ADARB2: variants seen among roughly 807,000 people sequenced by gnomAD.
The protein encoded by ADARB2 is adenosine deaminase RNA specific B2 (inactive).
In ADARB2, 25 loss-of-function variants were observed where a neutral mutation model predicts 62.2. That is an observed-to-expected ratio of 0.40 (90% CI 0.29 to 0.56). ADARB2 has a LOEUF of 0.56. Among genes scored for constraint, ADARB2 ranks in the 20% least tolerant of loss-of-function variants. The pLI, the probability that ADARB2 is intolerant of heterozygous loss-of-function variation, is 0.43. For missense variants in ADARB2, 1,071 were observed against 1,077.4 expected, an observed-to-expected ratio of 0.99 and a Z score of 0.08; for synonymous variants, 572 against 500.8, an observed-to-expected ratio of 1.14 and a Z score of -1.90.
intron 1 of ADARB2, among the ~76,000 whole-genome samples, chr10:1,593,029 C>A (rs868353148): frequency 2.2e-4 from 21 of 96,500 alleles, no homozygotes; most frequent in Non-Finnish European, 3.0e-4. Flanking sequence ...CCAAGCCACC[C>A]TCCATAGGTC....
intron 6 of ADARB2, among the ~76,000 whole-genome samples, chr10:1,218,158 C>G (rs528578398): frequency 2.0e-5 from 3 of 152,214 alleles, no homozygotes; most frequent in Non-Finnish European, 4.4e-5. Context: ...TCAAGAGATT[C>G]TCCTGCCTCA....
intron 1 of ADARB2, among the ~76,000 whole-genome samples, chr10:1,568,636 C>T (rs903382187): frequency 3.9e-5 from 6 of 151,940 alleles, no homozygotes; most frequent in Non-Finnish European, 8.8e-5. Flanking sequence ...GGAAAGAAAG[C>T]TGGAGGTCTT....
intron 3 of ADARB2, among the ~76,000 whole-genome samples, chr10:1,280,403 G>T (rs1831359342): frequency 6.6e-6 from 1 of 152,220 alleles, no homozygotes; most frequent in Non-Finnish European, 1.5e-5. Context: ...CTAGAAACAT[G>T]TGGACATGCA....
rs982678679 is a variant in ADARB2, at chr10:1,737,075, T to G, written c.76A>C (p.Arg26=). Residue 26 remains arginine, a synonymous_variant, in exon 1 of 10, where the codon AGG becomes CGG. Transcript: ENST00000381312. ...SQLKCKSKRR[R]RRRSKRKDKV... ...CCTTTCCGCTTGGACCTCCGCCTCC[T>G]CCTCCTCTTGGACTTGCATTTGAGT... 12 of 1,611,792 alleles carry G rather than the reference T, an allele frequency of 7.4e-6. No homozygotes were observed. The highest frequency in any genetic ancestry group is 1.0e-5 in the Non-Finnish European group (12 of 1,179,902).
intron 1 of ADARB2, among the ~76,000 whole-genome samples, chr10:1,679,527 C>A (rs761893996): frequency 2.6e-5 from 4 of 152,080 alleles, no homozygotes; most frequent in Admixed American, 2.0e-4. Context: ...TCAAGGTGAT[C>A]GGGTGCCACT....
intron 3 of ADARB2, among the ~76,000 whole-genome samples, chr10:1,326,016 C>A (rs149593860): frequency 6.6e-6 from 1 of 152,134 alleles, no homozygotes; most frequent in Non-Finnish European, 1.5e-5. Context: ...GGAAACCATT[C>A]GAATCGAAGA....
intron 1 of ADARB2, among the ~76,000 whole-genome samples, chr10:1,416,426 C>G (rs776390076): frequency 1.3e-5 from 2 of 152,244 alleles, no homozygotes; most frequent in Admixed American, 6.5e-5. Flanking sequence ...GGTTCCTCCT[C>G]TAACCTACTC....
intron 1 of ADARB2, 87 bp from the exon 2 acceptor site, chr10:1,379,247 G>T: frequency 9.0e-7 from 1 of 1,109,742 alleles, no homozygotes; most frequent in Non-Finnish European, 1.4e-6. Context: ...ACTGAATGTT[G>T]GACAAGGGAG....
Position 1,398,324 on chromosome 10 carries a change from A to G in ADARB2, c.101-19164T>C, listed in dbSNP as rs1351176553. On this transcript the variant is annotated intron_variant, in intron 1 of 9. Transcript: ENST00000381312. The surrounding 1 kb of genome is among the most constrained non-coding windows in gnomAD (Gnocchi z 4.1). The stretch of plus-strand genomic sequence containing the variant: ...CTTCCTGCAATTGTGTCCAGGGCGC[A>G]GGAAGCTGCCCAGCACAGGCAGTGG... Among the ~76,000 whole-genome samples, 2 of 152,246 alleles carry G rather than the reference A, an allele frequency of 1.3e-5. No homozygotes were observed. Among genetic ancestry groups the G allele is most frequent in the Admixed American group, 6.5e-5 (1 of 15,292 alleles).
In ADARB2 at chr10:1,544,020, A is replaced by AAC. The variant is rs1554770165; in HGVS notation, c.101-164861_101-164860insGT. Among the ~76,000 whole-genome samples the AAC allele has an allele frequency of 5.8e-3, 405 of 70,262 alleles. 2 individuals carry two copies. Among genetic ancestry groups the AAC allele is most frequent in the East Asian group, 0.03 (88 of 2,980 alleles). The allele number at this position is 70,262 out of a possible 152,430, so 46.1% of individuals were successfully genotyped here. ...GACCAAAAAAAAAAAAAAACAAACA[A>AAC]AAAAAAAAACACACAAAATGGTGAC... On this transcript the variant is annotated intron_variant, in intron 1 of 9. Coordinates refer to ENST00000381312, the MANE Select transcript of ADARB2 (RefSeq NM_018702.4).
At chr10:1,322,259 G>C (rs762835274) in intron 3 of ADARB2, among the ~76,000 whole-genome samples, 25 of 152,198 alleles carry the variant, frequency 1.6e-4, no homozygotes, top group Non-Finnish European at 2.8e-4. Context: ...ACCTTGTCTT[G>C]GGAACTATTT....
intron 3 of ADARB2, among the ~76,000 whole-genome samples, chr10:1,326,856 A>ACGGCACAGCGC (rs1564257890): frequency 8.3e-5 from 4 of 47,994 alleles, no homozygotes; most frequent in African/African-American, 1.5e-4. Flanking sequence ...GCGCCTCCCC[A>ACGGCACAGCGC]CTGCCCAGCG....
intron 1 of ADARB2, among the ~76,000 whole-genome samples, chr10:1,538,304 G>A (rs923645881): frequency 2.0e-5 from 3 of 152,220 alleles, no homozygotes; most frequent in African/African-American, 7.2e-5. Context: ...CGGCTGGTGG[G>A]TGTCCCACAG....
intron 7 of ADARB2, among the ~76,000 whole-genome samples, chr10:1,215,242 A>G (rs891852368): frequency 2.6e-5 from 4 of 152,214 alleles, no homozygotes; most frequent in African/African-American, 9.6e-5. Context: ...TGCCTGTCCC[A>G]TGCAGGCACT....
intron 1 of ADARB2, among the ~76,000 whole-genome samples, chr10:1,575,086 G>A (rs994567132): frequency 1.9e-4 from 5 of 26,044 alleles, no homozygotes; most frequent in African/African-American, 1.9e-4. Flanking sequence ...AGGTTATTAA[G>A]CTGAATTGGT....
At chr10:1,524,355 G>T (rs1033260119) in intron 1 of ADARB2, among the ~76,000 whole-genome samples, 4 of 152,164 alleles carry the variant, frequency 2.6e-5, no homozygotes, top group Non-Finnish European at 5.9e-5. Flanking sequence ...CCAATACTCA[G>T]TAGGAAAGAT....
chr10:1,447,995 T>A (rs769299379), intron 1 of ADARB2, among the ~76,000 whole-genome samples: 1 of 152,202 alleles, frequency 6.6e-6, no homozygotes, highest in Admixed American at 6.5e-5. Flanking sequence ...GGCATTCAGG[T>A]TGATTCCATG....
intron 1 of ADARB2, chr10:1,675,256 T>C (rs1328428964): frequency 1.0e-6 from 1 of 978,460 alleles, no homozygotes; most frequent in Non-Finnish European, 1.2e-6. Flanking sequence ...CAGGGATGCA[T>C]GGATGTTCTG....
intron 1 of ADARB2, among the ~76,000 whole-genome samples, chr10:1,637,046 A>G (rs998837037): frequency 2.5e-4 from 38 of 152,116 alleles, no homozygotes; most frequent in Admixed American, 2.0e-3. Context: ...TTTAATACTC[A>G]TTCATGATTG....
Sources: allele counts gnomAD v4.1 joint callset (sites outside exome capture counted in the v4.1 genomes callset), GRCh38; gene constraint gnomAD v4.1.1; non-coding constraint Gnocchi (gnomAD v3.1); transcripts MANE v1.5; gene names NCBI Gene and HGNC (gene_info 2026-07-23, HGNC 2026-07-21).